Variants in ARID4B observed in about 807,000 individuals in gnomAD.
The protein encoded by ARID4B is AT-rich interactive domain-containing protein 4B.
A neutral mutation model predicts 147.5 loss-of-function variants in ARID4B; 26 were observed. The observed-to-expected ratio is 0.18, with a 90% CI of 0.13 to 0.24. ARID4B has a LOEUF of 0.24. Among genes scored for constraint, ARID4B ranks in the 10% least tolerant of loss-of-function variants. The probability of loss-of-function intolerance (pLI) is 1.00; values close to 1 mark genes in which losing one functional copy is unlikely to be tolerated. For missense variants in ARID4B, 1,179 were observed against 1,511.5 expected, an observed-to-expected ratio of 0.78 and a Z score of 3.65; for synonymous variants, 512 against 507.9, an observed-to-expected ratio of 1.01 and a Z score of -0.11.
chr1:235,211,590 AATTT>A (rs1666724591), intron 17 of ARID4B, among the ~76,000 whole-genome samples: 1 of 152,112 alleles, frequency 6.6e-6, no homozygotes, highest in African/African-American at 2.4e-5. Context: ...AGTATTTCTT[AATTT>A]AAGAGATGAG....
At chr1:235,220,054 T>G in intron 15 of ARID4B, 86 bp from the exon 16 acceptor site, 1 of 897,554 alleles carries the variant, frequency 1.1e-6, no homozygotes, top group Non-Finnish European at 1.6e-6. Context: ...ACAGGAGGTA[T>G]CAACCAATTC....
chr1:235,316,645 C>G (rs757744538), intron 2 of ARID4B, among the ~76,000 whole-genome samples: 5 of 152,038 alleles, frequency 3.3e-5, no homozygotes, highest in Non-Finnish European at 5.9e-5. Context: ...ATGGCGAAAC[C>G]TCGTCTGTAC....
chr1:235,213,991 T>A lies in ARID4B; in HGVS notation c.1619A>T (p.Glu540Val). ...CTCCTCCTCCTCCTCTTCTGCTTCT[T>A]CATCATCTTCATCTTCTTCTTTATT... is the stretch of plus-strand genomic sequence containing the variant. ...ETNKEEDEDD[E>V]EAEEEEEEEE... Residue 540 changes from glutamate (E) to valine (V), a missense_variant, in exon 17 of 24, where the codon GAA becomes GTA. Coordinates refer to ENST00000264183, the MANE Select transcript of ARID4B (RefSeq NM_016374.6). The A allele has an allele frequency of 6.3e-7, 1 of 1,590,426 alleles. No individual in the cohort carries two copies. The highest frequency in any genetic ancestry group is 8.6e-7 in the Non-Finnish European group (1 of 1,158,918).
chr1:235,285,472 CA>C (rs1019205579), intron 2 of ARID4B, among the ~76,000 whole-genome samples: 52 of 152,294 alleles, frequency 3.4e-4, no homozygotes, highest in African/African-American at 1.2e-3. Flanking sequence ...CTCAATCGGA[CA>C]AAAGGCATCC....
At chr1:235,287,992 A>ATGTG (rs1672095548) in intron 2 of ARID4B, among the ~76,000 whole-genome samples, 1 of 152,204 alleles carries the variant, frequency 6.6e-6, no homozygotes, top group Non-Finnish European at 1.5e-5. Flanking sequence ...CTATGAGCAT[A>ATGTG]TTATCCTTGT....
intron 7 of ARID4B, among the ~76,000 whole-genome samples, chr1:235,241,988 T>C (rs898512227): frequency 1.3e-5 from 2 of 151,968 alleles, no homozygotes; most frequent in African/African-American, 4.8e-5. Flanking sequence ...GCTGGAAGTA[T>C]TGTACTCCCA....
At chr1:235,208,501 A>T (rs79385433) in intron 17 of ARID4B, among the ~76,000 whole-genome samples, 180 of 151,522 alleles carry the variant, frequency 1.2e-3, no homozygotes, top group African/African-American at 3.6e-3. Context: ...TTTTATTATT[A>T]TTTTTTTTCT....
intron 2 of ARID4B, among the ~76,000 whole-genome samples, chr1:235,291,415 TAATA>T (rs932251120): frequency 4.0e-5 from 6 of 151,278 alleles, no homozygotes; most frequent in East Asian, 1.9e-4. Context: ...CTCAAAAAAA[TAATA>T]AATAAATAAA....
chr1:235,264,840 C>G (rs560802440), intron 2 of ARID4B, among the ~76,000 whole-genome samples: 11 of 151,144 alleles, frequency 7.3e-5, no homozygotes, highest in African/African-American at 1.2e-4. Flanking sequence ...GGTGGATTAC[C>G]TGAAGGTCAG....
At chr1:235,179,539 AAAAAAAAAAAAAAAC>A in intron 20 of ARID4B, among the ~76,000 whole-genome samples, 1 of 110,846 alleles carries the variant, frequency 9.0e-6, no homozygotes, top group African/African-American at 4.1e-5. Context: ...AAAAAAAAAA[AAAAAAAAAAAAAAAC>A]CCAACAAAAA....
chr1:235,178,973 T>A (rs1004344108), intron 20 of ARID4B, among the ~76,000 whole-genome samples: 1 of 152,120 alleles, frequency 6.6e-6, no homozygotes, highest in Non-Finnish European at 1.5e-5. Context: ...CATTTTAATA[T>A]CACAATTTAA....
rs1181216971 is a variant in ARID4B at position 235,181,635 on chromosome 1, C to T, written c.3284G>A (p.Ser1095Asn). Residue 1095 changes from serine (S) to asparagine (N), a missense_variant, in exon 20 of 24, where the codon AGT (serine) becomes AAT (asparagine). Physicochemically the swap from Ser to Asn is conservative, Grantham distance 46. Coordinates refer to ENST00000264183, the MANE Select transcript of ARID4B (RefSeq NM_016374.6). ...GNSSPAGFDA[S>N]VSSSSSNQPE... Reference sequence around the variant, plus strand: ...CTGATTACTACTGCTTGAGCTCACACTGGCATCAAAACCTGCTGGCGAGCT... The same window carrying T: ...CTGATTACTACTGCTTGAGCTCACATTGGCATCAAAACCTGCTGGCGAGCT... The T allele has an allele frequency of 8.1e-6, 13 of 1,613,906 alleles. No homozygotes were observed. The highest frequency in any genetic ancestry group is 6.7e-5 in the Admixed American group (4 of 60,024).
chr1:235,259,414 G>A (rs953907156), intron 3 of ARID4B, among the ~76,000 whole-genome samples: 1 of 152,236 alleles, frequency 6.6e-6, no homozygotes, highest in Non-Finnish European at 1.5e-5. Flanking sequence ...GCCAAGCGCT[G>A]CTAAGAAGGC....
At chr1:235,302,806 G>C (rs79782279) in intron 2 of ARID4B, among the ~76,000 whole-genome samples, 2,936 of 152,246 alleles carry the variant, frequency 0.019, 25 homozygotes, top group Non-Finnish European at 0.033. Context: ...TTTTATCATT[G>C]TCCTCATTTC....
At position 235,229,337 on chromosome 1, in the gene ARID4B, T is replaced by A. The variant is rs1213237952; in HGVS notation, c.791A>T (p.Asn264Ile). Residue 264 changes from asparagine to isoleucine, a missense_variant, in exon 11 of 24, where the codon AAC becomes ATC. Asn to Ile is a moderately radical substitution (Grantham distance 149). This residue lies in a region of ARID4B where 159 missense variants were observed against 190.5 expected (regional missense o/e 0.83). Transcript: ENST00000264183. ...EFHKSRTIPA[N>I]WKTELKEDSS... ...ATCTTCTTTCAATTCAGTCTTCCAGTTAGCAGGAATAGTTCTACTTTTGTG... is the reference window on the plus strand; with the variant it reads ...ATCTTCTTTCAATTCAGTCTTCCAGATAGCAGGAATAGTTCTACTTTTGTG... 1 of 1,613,656 alleles carries A rather than the reference T, an allele frequency of 6.2e-7. No homozygotes were observed. Among genetic ancestry groups the A allele is most frequent in the African/African-American group, 1.3e-5 (1 of 74,926 alleles).
rs1553292642 is a variant in ARID4B at position 235,213,926 on chromosome 1, CATT to C, written c.1681_1683del (p.Asn561del). The C allele has an allele frequency of 6.2e-7, 1 of 1,613,644 alleles. No homozygotes were observed. The highest frequency in any genetic ancestry group is 8.5e-7 in the Non-Finnish European group (1 of 1,179,596). ...GGATAGCACTCAAACTCCTCTTCCT[CATT>C]GTTGTCATCATCATCTTCATCCTCT... On this transcript the variant is annotated inframe_deletion, in exon 17 of 24. Transcript: ENST00000264183.
intron 2 of ARID4B, among the ~76,000 whole-genome samples, chr1:235,289,419 A>AT (rs1376443868): frequency 1.3e-5 from 2 of 152,022 alleles, no homozygotes; most frequent in East Asian, 1.9e-4. Context: ...AAAATCAGTA[A>AT]TTTTTTTTAG....
intron 17 of ARID4B, among the ~76,000 whole-genome samples, chr1:235,208,548 G>T (rs1666480499): frequency 6.6e-6 from 1 of 151,810 alleles, no homozygotes; most frequent in African/African-American, 2.4e-5. Flanking sequence ...TGTTGCCCAG[G>T]CTGGAGTGCA....
chr1:235,174,291 A>G (rs984171338), intron 22 of ARID4B, among the ~76,000 whole-genome samples: 2 of 151,898 alleles, frequency 1.3e-5, no homozygotes, highest in Non-Finnish European at 2.9e-5. Context: ...CACCCACCTC[A>G]GCCTCCCAAA....
Sources: gnomAD v4.1 joint callset for allele counts (sites outside exome capture counted in the v4.1 genomes callset) on GRCh38, gnomAD v4.1.1 for gene constraint, gnomAD v4.1.1 regional missense constraint, MANE v1.5 for transcripts, NCBI Gene and HGNC (gene_info 2026-07-23, HGNC 2026-07-21) for gene names.